The following PDE11A variants were observed in gnomAD, a reference collection of about 807,000 sequenced individuals.
PDE11A encodes dual 3',5'-cyclic-AMP and -GMP phosphodiesterase 11A.
PDE11A carries 100 observed loss-of-function variants against 100.5 expected under a neutral mutation model. The observed-to-expected ratio is 1.00, with a 90% CI of 0.85 to 1.18. The LOEUF is 1.18. PDE11A is among the 50% of genes most tolerant of loss of function. The pLI, the probability that PDE11A is intolerant of heterozygous loss-of-function variation, is 0.00. For missense variants in PDE11A, 1,141 were observed against 1,152.6 expected, an observed-to-expected ratio of 0.99 and a Z score of 0.15; for synonymous variants, 381 against 420.8, an observed-to-expected ratio of 0.91 and a Z score of 1.16.
intron 6 of PDE11A, among the ~76,000 whole-genome samples, chr2:177,839,471 C>G (rs80142996): frequency 0.049 from 7,404 of 152,260 alleles, 222 homozygotes; most frequent in Middle Eastern, 0.12. Context: ...AGAACAAATA[C>G]TCCAATTTCT....
At chr2:177,795,136 C>T (rs10185318) in intron 9 of PDE11A, among the ~76,000 whole-genome samples, 53,693 of 151,960 alleles carry the variant, frequency 0.35, 10,096 homozygotes, top group African/African-American at 0.46. Context: ...TTTCATTCTA[C>T]GGGATGAATT....
intron 2 of PDE11A, among the ~76,000 whole-genome samples, chr2:178,091,463 T>C (rs1166920447): frequency 6.6e-6 from 1 of 152,210 alleles, no homozygotes; most frequent in Non-Finnish European, 1.5e-5. Flanking sequence ...TTGGTTCTGG[T>C]GCCAGATCTC....
intron 2 of PDE11A, among the ~76,000 whole-genome samples, chr2:177,925,197 C>T (rs1323583273): frequency 1.3e-5 from 2 of 151,120 alleles, no homozygotes; most frequent in African/African-American, 4.9e-5. Flanking sequence ...CATACGTGTG[C>T]ATGTGTCTTT....
At chr2:177,929,797 T>C (rs1035148053) in intron 2 of PDE11A, among the ~76,000 whole-genome samples, 1 of 152,216 alleles carries the variant, frequency 6.6e-6, no homozygotes, top group African/African-American at 2.4e-5. Flanking sequence ...TAGCCCACCA[T>C]GTTGCTTTTC....
At chr2:177,770,825 G>A (rs7605091) in intron 9 of PDE11A, among the ~76,000 whole-genome samples, 1 of 151,992 alleles carries the variant, frequency 6.6e-6, no homozygotes, top group Non-Finnish European at 1.5e-5. Flanking sequence ...CCAGACACAT[G>A]TTTGTTGTGG....
At chr2:177,660,302 G>A (rs1183765792) in intron 19 of PDE11A, among the ~76,000 whole-genome samples, 3 of 151,768 alleles carry the variant, frequency 2.0e-5, no homozygotes, top group African/African-American at 4.8e-5. Flanking sequence ...GCTATTCATC[G>A]ATTTGGGACT....
chr2:177,950,821 G>A (rs1004217569), intron 2 of PDE11A, among the ~76,000 whole-genome samples: 2 of 152,200 alleles, frequency 1.3e-5, no homozygotes, highest in African/African-American at 4.8e-5. Context: ...TGAGGCAGGA[G>A]AATGGCATGA....
At chr2:177,946,978 C>T (rs1163492566) in intron 2 of PDE11A, among the ~76,000 whole-genome samples, 19 of 120,874 alleles carry the variant, frequency 1.6e-4, no homozygotes, top group African/African-American at 5.8e-4. Flanking sequence ...GGTCAGCCCC[C>T]CGCCCGGCCA....
intron 1 of PDE11A, among the ~76,000 whole-genome samples, chr2:178,063,370 G>C (rs1324159103): frequency 1.3e-5 from 2 of 152,098 alleles, no homozygotes; most frequent in African/African-American, 4.8e-5. Context: ...TTTTAATGGG[G>C]TATGGTAAAG....
intron 5 of PDE11A, among the ~76,000 whole-genome samples, chr2:177,845,707 C>T (rs13013319): frequency 0.063 from 9,531 of 152,186 alleles, 310 homozygotes; most frequent in South Asian, 0.091. Context: ...TGTAGCAAGC[C>T]GAGATCAAGC....
intron 1 of PDE11A, among the ~76,000 whole-genome samples, chr2:178,030,730 T>C (rs929554779): frequency 2.0e-5 from 3 of 151,936 alleles, no homozygotes; most frequent in Non-Finnish European, 4.4e-5. Flanking sequence ...TTTTAAAAAT[T>C]AGCCAGGCAT....
At chr2:178,086,635 G>C (rs1029731860) in intron 2 of PDE11A, among the ~76,000 whole-genome samples, 1 of 152,088 alleles carries the variant, frequency 6.6e-6, no homozygotes, top group African/African-American at 2.4e-5. Flanking sequence ...AAATCTCTTG[G>C]TAAGATTAAA....
chr2:177,717,734 T>C (rs941242315), intron 12 of PDE11A, among the ~76,000 whole-genome samples: 1 of 152,178 alleles, frequency 6.6e-6, no homozygotes, highest in African/African-American at 2.4e-5. Context: ...GGCTGAAATG[T>C]ATACTGGGAT....
intron 2 of PDE11A, among the ~76,000 whole-genome samples, chr2:178,090,352 T>G (rs1009355247): frequency 1.3e-5 from 2 of 152,244 alleles, no homozygotes; most frequent in Non-Finnish European, 2.9e-5. Flanking sequence ...CAAGAAACAT[T>G]GCTATCGGCA....
At chr2:177,878,831 A>G (rs1391432924) in intron 4 of PDE11A, among the ~76,000 whole-genome samples, 1 of 152,112 alleles carries the variant, frequency 6.6e-6, no homozygotes, top group Non-Finnish European at 1.5e-5. Context: ...ACTCCTTCAA[A>G]ACCAGAATAA....
At chr2:177,769,075 T>C (rs979522548) in intron 10 of PDE11A, among the ~76,000 whole-genome samples, 7 of 152,230 alleles carry the variant, frequency 4.6e-5, no homozygotes, top group Non-Finnish European at 8.8e-5. Context: ...TTTTTTTCCC[T>C]GATATCGTGC....
intron 2 of PDE11A, among the ~76,000 whole-genome samples, chr2:177,951,138 A>G (rs2085500635): frequency 1.3e-5 from 2 of 152,204 alleles, no homozygotes; most frequent in South Asian, 4.1e-4. Context: ...AACAAGTGTT[A>G]CTTAAAAAAA....
intron 1 of PDE11A, among the ~76,000 whole-genome samples, chr2:178,037,869 CA>C (rs1255725200): frequency 1.3e-5 from 2 of 151,630 alleles, no homozygotes; most frequent in African/African-American, 4.8e-5. Context: ...CAGGGCCTGT[CA>C]GGGGGTGGGG....
intron 2 of PDE11A, among the ~76,000 whole-genome samples, chr2:177,944,324 C>G (rs2085378369): frequency 6.6e-6 from 1 of 152,096 alleles, no homozygotes; most frequent in Non-Finnish European, 1.5e-5. Context: ...TAACCAAAAA[C>G]CAAATAACCA....
Sources: gnomAD v4.1 joint callset for allele counts (sites outside exome capture counted in the v4.1 genomes callset) on GRCh38, gnomAD v4.1.1 for gene constraint, MANE v1.5 for transcripts, NCBI Gene and HGNC (gene_info 2026-07-23, HGNC 2026-07-21) for gene names.